The following RASEF variants were observed in gnomAD, a reference collection of about 807,000 sequenced individuals.
The protein encoded by RASEF is ras and EF-hand domain-containing protein.
Under a neutral mutation model 90.1 loss-of-function variants are expected in RASEF, and 68 were observed. The observed-to-expected ratio is 0.75, with a 90% CI of 0.62 to 0.92. The LOEUF (loss-of-function observed/expected upper bound fraction) is 0.92, where lower values mean the gene tolerates loss of function less well. Among genes scored for constraint, RASEF ranks in the 40% least tolerant of loss-of-function variants. The probability of loss-of-function intolerance (pLI) is 0.00; values close to 1 mark genes in which losing one functional copy is unlikely to be tolerated. For synonymous variants in RASEF, 331 were observed against 345.2 expected (o/e 0.96, Z 0.46); for missense variants, 949 against 937.2 (o/e 1.01, Z -0.16).
chr9:83,206,820 G>C, the RASEF span, among the ~76,000 whole-genome samples: 2 of 152,108 alleles, frequency 1.3e-5, no homozygotes, highest in Non-Finnish European at 2.9e-5. Flanking sequence ...GTTGCCTTCA[G>C]GCTTCCAGAA....
chr9:83,176,334 A>C, the RASEF span, among the ~76,000 whole-genome samples: 2 of 152,286 alleles, frequency 1.3e-5, no homozygotes, highest in African/African-American at 4.8e-5. Flanking sequence ...ATTATAGTTT[A>C]CATGAAATAA....
chr9:83,082,713 C>A, the RASEF span, among the ~76,000 whole-genome samples: 1 of 152,152 alleles, frequency 6.6e-6, no homozygotes, highest in Non-Finnish European at 1.5e-5. Flanking sequence ...GACTTCAAGG[C>A]TACAATGGAG....
chr9:83,173,162 T>G, the RASEF span, among the ~76,000 whole-genome samples: 1 of 151,946 alleles, frequency 6.6e-6, no homozygotes, highest in Non-Finnish European at 1.5e-5. Flanking sequence ...TCAATTGCTG[T>G]TTTTAGAGTC....
chr9:83,130,005 C>T, the RASEF span, among the ~76,000 whole-genome samples: 1 of 152,222 alleles, frequency 6.6e-6, no homozygotes, highest in Non-Finnish European at 1.5e-5. Context: ...TGACCAAATG[C>T]TTTAATGTCA....
chr9:83,038,135 G>A (rs1306316119), intron 1 of RASEF, among the ~76,000 whole-genome samples: 1 of 151,958 alleles, frequency 6.6e-6, no homozygotes, highest in Non-Finnish European at 1.5e-5. Flanking sequence ...AATCATAAAC[G>A]AACACAACTT....
chr9:83,200,714 C>T, the RASEF span, among the ~76,000 whole-genome samples: 70 of 152,112 alleles, frequency 4.6e-4, no homozygotes, highest in Non-Finnish European at 3.8e-4. Flanking sequence ...CTGCTGTATC[C>T]CCAGGTTCTA....
intron 3 of RASEF, among the ~76,000 whole-genome samples, chr9:83,017,152 A>T (rs1366721246): frequency 2.0e-5 from 3 of 152,064 alleles, no homozygotes; most frequent in Non-Finnish European, 4.4e-5. Flanking sequence ...CATTAGATCC[A>T]CAGCCACAAA....
chr9:83,102,832 G>A, the RASEF span, among the ~76,000 whole-genome samples: 1 of 152,184 alleles, frequency 6.6e-6, no homozygotes, highest in Non-Finnish European at 1.5e-5. Context: ...AAAGGTAAGA[G>A]CTAGATAAAG....
At chr9:83,144,273 C>T in the RASEF span, among the ~76,000 whole-genome samples, 7 of 145,056 alleles carry the variant, frequency 4.8e-5, no homozygotes, top group East Asian at 1.5e-3. Flanking sequence ...AACAAATCTG[C>T]ACATATATCC....
In RASEF at chr9:82,990,578, G is replaced by A. The variant is rs554714893; in HGVS notation, c.2041-111C>T. On this transcript the variant is annotated intron_variant, in intron 15 of 16. Coordinates refer to ENST00000376447, the MANE Select transcript of RASEF (RefSeq NM_152573.4). ...TATGTTCCTACTGAGCATGCTAAGA[G>A]TAACTAATAGCTAAGAAACTGAATT... The A allele has an allele frequency of 7.5e-6, 5 of 665,492 alleles. No homozygotes were observed. In the South Asian group the frequency reaches 1.0e-4, roughly 14 times the overall value. The allele number at this position is 665,492 out of a possible 1,614,324, so 41.2% of individuals were successfully genotyped here. A position where few individuals can be genotyped will look rare whatever the true frequency, so the allele number is the denominator to read the frequency against.
the RASEF span, among the ~76,000 whole-genome samples, chr9:83,111,038 G>C: frequency 1.1e-4 from 16 of 152,284 alleles, no homozygotes; most frequent in Non-Finnish European, 2.9e-5. Flanking sequence ...GGAATTTTTA[G>C]ATGCAGAATA....
chr9:83,104,563 T>G, the RASEF span, among the ~76,000 whole-genome samples: 1 of 152,090 alleles, frequency 6.6e-6, no homozygotes, highest in Non-Finnish European at 1.5e-5. Flanking sequence ...AGGAGATGAA[T>G]CTACATAAAT....
the RASEF span, among the ~76,000 whole-genome samples, chr9:83,160,937 T>G: frequency 6.6e-6 from 1 of 152,190 alleles, no homozygotes; most frequent in Non-Finnish European, 1.5e-5. Context: ...GTGTTGAGCC[T>G]GTAGGTGCAC....
chr9:83,079,894 G>C, the RASEF span, among the ~76,000 whole-genome samples: 5 of 151,682 alleles, frequency 3.3e-5, no homozygotes, highest in South Asian at 2.1e-4. Context: ...ACAGCCTTGC[G>C]ATATGATGAT....
At chr9:83,178,238 C>G in the RASEF span, among the ~76,000 whole-genome samples, 1 of 152,168 alleles carries the variant, frequency 6.6e-6, no homozygotes, top group Admixed American at 6.5e-5. Context: ...GCCCATTTGA[C>G]TAGCAAAAAC....
the RASEF span, among the ~76,000 whole-genome samples, chr9:83,200,041 CAT>C: frequency 2.6e-5 from 4 of 152,212 alleles, no homozygotes; most frequent in East Asian, 1.9e-4. Context: ...GTAACGATGA[CAT>C]GTGTGAATTT....
intron 15 of RASEF, among the ~76,000 whole-genome samples, chr9:82,991,851 TGAG>T (rs1828821415): frequency 6.6e-6 from 1 of 152,236 alleles, no homozygotes. Flanking sequence ...AGTATCTGTG[TGAG>T]ACCATGTCTA....
At chr9:83,006,585 A>G (rs1829136497) in intron 7 of RASEF, among the ~76,000 whole-genome samples, 1 of 152,194 alleles carries the variant, frequency 6.6e-6, no homozygotes, top group Admixed American at 6.5e-5. Flanking sequence ...ATGGGTAGAA[A>G]AGAAAGGGGA....
At position 83,009,011 on chromosome 9, in the gene RASEF, T is replaced by C. The variant is rs185654617; in HGVS notation, c.959+630A>G. ...ATAACTCCTTATCTAGTTCAGAGAC[T>C]TGTATGTAGTAAACGATAATATTTC... On this transcript the variant is annotated intron_variant, in intron 6 of 16. Coordinates refer to ENST00000376447, the MANE Select transcript of RASEF (RefSeq NM_152573.4). Among the ~76,000 whole-genome samples, 430 of 146,616 alleles carry C rather than the reference T, an allele frequency of 2.9e-3. 3 individuals carry two copies. The highest frequency in any genetic ancestry group is 9.8e-3 in the African/African-American group (391 of 39,850).
Sources: gnomAD v4.1 joint callset for allele counts (sites outside exome capture counted in the v4.1 genomes callset) on GRCh38, gnomAD v4.1.1 for gene constraint, MANE v1.5 for transcripts, NCBI Gene and HGNC (gene_info 2026-07-23, HGNC 2026-07-21) for gene names.